WDR6: variants seen among roughly 807,000 people sequenced by gnomAD.
WDR6 encodes tRNA (34-2'-O)-methyltransferase regulator WDR6.
In WDR6, 58 loss-of-function variants were observed where a neutral mutation model predicts 85.6. That is an observed-to-expected ratio of 0.68 (90% CI 0.55 to 0.84). WDR6 has a LOEUF of 0.84. WDR6 is among the 40% of genes least tolerant of loss of function. WDR6 has a pLI of 0.00. For synonymous variants in WDR6, 569 were observed against 582.2 expected (o/e 0.98, Z 0.33); for missense variants, 1,310 against 1,476.4 (o/e 0.89, Z 1.85).
rs2093031974 is a variant in WDR6, at chr3:49,013,796, C to T, written c.2262C>T (p.Val754=). 1.2e-6 allele frequency: 2 copies of T among 1,613,962 alleles called. No homozygotes were observed. The highest frequency in any genetic ancestry group is 2.7e-5 in the African/African-American group (2 of 74,896). Residue 754 remains valine, a synonymous_variant, in exon 2 of 6, where the codon GTC becomes GTT. Transcript: ENST00000608424. This position sits in a 1 kb window ranked among gnomAD's most constrained non-coding sequence, Gnocchi z 4.6. ...GTAGTGAGGACACTACTGTCTGTGT[C>T]CTAGCACTCCCTACAACCACAGGCT... ...ITCSEDTTVC[V]LALPTTTGSA... is the part of the protein sequence containing the mutation.
In WDR6 at chr3:49,013,571, C is replaced by T. The variant is rs776192106; in HGVS notation, c.2037C>T (p.Val679=). The change falls in exon 2 of 6, where the codon GTC becomes GTT. Residue 679 remains valine (V), a synonymous_variant. Coordinates refer to ENST00000608424, the MANE Select transcript of WDR6 (RefSeq NM_018031.6). The surrounding 1 kb of genome is among the most constrained non-coding windows in gnomAD (Gnocchi z 4.6). ...TTGCTTACCTCAAGGATGGGGATGT[C>T]ATGCTGTACAGGGCTCTGGGTGGCT... ...MAFAYLKDGD[V]MLYRALGGCT... is the part of the protein sequence containing the mutation. 2 of 1,614,028 alleles carry T rather than the reference C, an allele frequency of 1.2e-6. No homozygotes were observed. Among genetic ancestry groups the T allele is most frequent in the South Asian group, 1.1e-5 (1 of 91,078 alleles).
At position 49,011,800 on chromosome 3, in the gene WDR6, G is replaced by A; in HGVS notation, c.266G>A (p.Ser89Asn). The A allele has an allele frequency of 6.2e-7, 1 of 1,614,246 alleles. No individual in the cohort carries two copies. The highest frequency in any genetic ancestry group is 8.5e-7 in the Non-Finnish European group (1 of 1,180,046). ...GAGGCCATGGTGGCTGTGTTTGGAA[G>A]CAAGGGACTCCGAGTTGTGAAAATT... ...DLEAMVAVFG[S>N]KGLRVVKISW... Residue 89 changes from serine (S) to asparagine (N), a missense_variant, in exon 2 of 6, where the codon AGC (serine) becomes AAC (asparagine). Transcript: ENST00000608424.
Position 49,012,067 on chromosome 3 carries a change from G to C in WDR6, c.533G>C (p.Gly178Ala), listed in dbSNP as rs749142410. Reference sequence around the variant, plus strand: ...TGGAAGGAGCTGACCATAGTGGCAGGTGCTGTTTCCAACCAGCTCTTGGTC... The same window carrying C: ...TGGAAGGAGCTGACCATAGTGGCAGCTGCTGTTTCCAACCAGCTCTTGGTC... Reference protein sequence around the residue: ...DAWKELTIVAGAVSNQLLVWY... With the variant: ...DAWKELTIVAAAVSNQLLVWY... The change falls in exon 2 of 6, where the codon GGT (glycine) becomes GCT (alanine). Residue 178 changes from glycine to alanine, a missense_variant. By Grantham distance (60) the Gly-to-Ala change is moderately conservative. Coordinates refer to ENST00000608424, the MANE Select transcript of WDR6 (RefSeq NM_018031.6). The surrounding 1 kb of genome is among the most constrained non-coding windows in gnomAD (Gnocchi z 4.4). 3.1e-6 allele frequency: 5 copies of C among 1,613,792 alleles called. No homozygotes were observed. In the Admixed American group the frequency reaches 8.3e-5, roughly 27 times the overall value.
In WDR6 at chr3:49,015,406, GGGTTCCTGATGTC is replaced by G; in HGVS notation, c.*122_*134del. 2 of 1,434,470 alleles carry G rather than the reference GGGTTCCTGATGTC, an allele frequency of 1.4e-6. No individual in the cohort carries two copies. Among genetic ancestry groups the G allele is most frequent in the Non-Finnish European group, 1.9e-6 (2 of 1,053,714 alleles). The allele number at this position is 1,434,470 out of a possible 1,614,324, so 88.9% of individuals were successfully genotyped here. A position where few individuals can be genotyped will look rare whatever the true frequency, so the allele number is the denominator to read the frequency against. On this transcript the variant is annotated 3_prime_UTR_variant, in exon 6 of 6. Coordinates refer to ENST00000608424, the MANE Select transcript of WDR6 (RefSeq NM_018031.6). The stretch of plus-strand genomic sequence containing the variant: ...CTTGAGGGGAGGAGGTGGTGGCCGT[GGGTTCCTGATGTC>G]GGTGCAGGAGCTGAAGGTGAGTGGA...
chr3:49,008,938 G>A, intron 1 of WDR6: 1 of 153,684 alleles, frequency 6.5e-6, no homozygotes, highest in South Asian at 1.9e-4. Context: ...CTGGAGTGCA[G>A]TGGCACGGTC....
In WDR6 at chr3:49,013,049, C is replaced by T. The variant is rs746505508; in HGVS notation, c.1515C>T (p.Phe505=). 6.2e-7 allele frequency: 1 copy of T among 1,612,188 alleles called. No individual in the cohort carries two copies. The highest frequency in any genetic ancestry group is 8.5e-7 in the Non-Finnish European group (1 of 1,178,756). The change falls in exon 2 of 6, where the codon TTC becomes TTT. Residue 505 remains phenylalanine (F), a synonymous_variant. Coordinates refer to ENST00000608424, the MANE Select transcript of WDR6 (RefSeq NM_018031.6). This position sits in a 1 kb window ranked among gnomAD's most constrained non-coding sequence, Gnocchi z 4.6. ...GTGCCTTCCTACCCCCAGGTGACTT[C>T]CTGGTGTGTGGTGACCGCCGGGGCT... is the stretch of plus-strand genomic sequence containing the variant. ...TCSAFLPPGD[F]LVCGDRRGSV...
At position 49,012,105 on chromosome 3, in the gene WDR6, A is replaced by C. The variant is rs1455853055; in HGVS notation, c.571A>C (p.Thr191Pro). ...CCAGCTCTTGGTCTGGTACCCAGCA[A>C]CTGCCTTAGCAGACAACAAACCTGT... ...SNQLLVWYPA[T>P]ALADNKPVAP... is the part of the protein sequence containing the mutation. Residue 191 changes from threonine (T) to proline (P), a missense_variant, in exon 2 of 6, where the codon ACT becomes CCT. Physicochemically the swap from Thr to Pro is conservative, Grantham distance 38. Coordinates refer to ENST00000608424, the MANE Select transcript of WDR6 (RefSeq NM_018031.6). This position sits in a 1 kb window ranked among gnomAD's most constrained non-coding sequence, Gnocchi z 4.4. 6.2e-7 allele frequency: 1 copy of C among 1,614,032 alleles called. No homozygotes were observed. Among genetic ancestry groups the C allele is most frequent in the Admixed American group, 1.7e-5 (1 of 60,036 alleles).
intron 1 of WDR6, among the ~76,000 whole-genome samples, chr3:49,009,278 C>T (rs1268304192): frequency 2.6e-5 from 4 of 150,978 alleles, no homozygotes; most frequent in Admixed American, 6.6e-5. Flanking sequence ...GTTTTCTCCA[C>T]CAAGAAAGCT....
rs774957928 is a variant in WDR6 at position 49,015,719 on chromosome 3, A to G, written c.*431A>G. On this transcript the variant is annotated 3_prime_UTR_variant, in exon 6 of 6. Coordinates refer to ENST00000608424, the MANE Select transcript of WDR6 (RefSeq NM_018031.6). ...TGTGGTCGAGGCTCCTGAAAGAGAAAGGGCCTGCTGGTCTCATCCTCTGCT... is the reference window on the plus strand; with the variant it reads ...TGTGGTCGAGGCTCCTGAAAGAGAAGGGGCCTGCTGGTCTCATCCTCTGCT... The G allele has an allele frequency of 1.2e-6, 2 of 1,614,054 alleles. No individual in the cohort carries two copies. Among genetic ancestry groups the G allele is most frequent in the South Asian group, 2.2e-5 (2 of 91,068 alleles).
In WDR6 at chr3:49,015,567, G is replaced by A; in HGVS notation, c.*279G>A. On this transcript the variant is annotated 3_prime_UTR_variant, in exon 6 of 6. Coordinates refer to ENST00000608424, the MANE Select transcript of WDR6 (RefSeq NM_018031.6). ...GTTGATGACTTTGTGAACATTCCCA[G>A]GTATTGGAGCCTCTGTGGCCTTAAA... 6.2e-7 allele frequency: 1 copy of A among 1,611,494 alleles called. No homozygotes were observed. Among genetic ancestry groups the A allele is most frequent in the Non-Finnish European group, 8.5e-7 (1 of 1,179,116 alleles).
In WDR6 at chr3:49,014,652, C is replaced by G; in HGVS notation, c.2836C>G (p.Leu946Val). The change falls in exon 5 of 6, where the codon CTC becomes GTC. Residue 946 changes from leucine (L) to valine (V), a missense_variant. Coordinates refer to ENST00000608424, the MANE Select transcript of WDR6 (RefSeq NM_018031.6). The surrounding 1 kb of genome is among the most constrained non-coding windows in gnomAD (Gnocchi z 4.9). ...ATDGSLAFWD[L>V]TTMLDHDSTV... is the part of the protein sequence containing the mutation. ...TGATGGCAGCCTGGCTTTCTGGGAT[C>G]TCACCACCATGCTAGACCATGACTC... 6.2e-7 allele frequency: 1 copy of G among 1,613,646 alleles called. No homozygotes were observed. Among genetic ancestry groups the G allele is most frequent in the South Asian group, 1.1e-5 (1 of 91,086 alleles).
rs568489113 is a variant in WDR6 at position 49,014,331 on chromosome 3, A to G, written c.2666+38A>G. ...GGCCCAGTGGGACAGGAGACAAAGG[A>G]AGTAAGGTTGTCTAGGATGCGTTCT... On this transcript the variant is annotated intron_variant, in intron 3 of 5. Coordinates refer to ENST00000608424, the MANE Select transcript of WDR6 (RefSeq NM_018031.6). This position sits in a 1 kb window ranked among gnomAD's most constrained non-coding sequence, Gnocchi z 4.9. 11 of 1,614,034 alleles carry G rather than the reference A, an allele frequency of 6.8e-6. No homozygotes were observed. The highest frequency in any genetic ancestry group is 2.2e-5 in the South Asian group (2 of 91,086).
chr3:49,010,032 T>A (rs1576613182), intron 1 of WDR6, among the ~76,000 whole-genome samples: 2 of 150,712 alleles, frequency 1.3e-5, no homozygotes, highest in Non-Finnish European at 3.0e-5. Flanking sequence ...CCATCTCTAT[T>A]TTTTTTTTAA....
At chr3:49,009,353 C>T (rs560507580) in intron 1 of WDR6, among the ~76,000 whole-genome samples, 29 of 142,064 alleles carry the variant, frequency 2.0e-4, no homozygotes, top group African/African-American at 7.5e-4. Flanking sequence ...CCCCCTCTTC[C>T]GCCTCCTTTC....
chr3:49,014,329 G>C lies in WDR6; in HGVS notation c.2666+36G>C. On this transcript the variant is annotated intron_variant, in intron 3 of 5. Coordinates refer to ENST00000608424, the MANE Select transcript of WDR6 (RefSeq NM_018031.6). The surrounding 1 kb of genome is among the most constrained non-coding windows in gnomAD (Gnocchi z 4.9). ...AGGGCCCAGTGGGACAGGAGACAAA[G>C]GAAGTAAGGTTGTCTAGGATGCGTT... 1 of 1,613,176 alleles carries C rather than the reference G, an allele frequency of 6.2e-7. No homozygotes were observed.
chr3:49,007,777 G>C lies in WDR6; in HGVS notation c.100+246G>C, dbSNP rs1203939694. 8.9e-7 allele frequency: 1 copy of C among 1,122,400 alleles called. No homozygotes were observed. The highest frequency in any genetic ancestry group is 3.5e-5 in the East Asian group (1 of 28,982). The allele number at this position is 1,122,400 out of a possible 1,614,324, so 69.5% of individuals were successfully genotyped here. On this transcript the variant is annotated intron_variant, in intron 1 of 5. Coordinates refer to ENST00000608424, the MANE Select transcript of WDR6 (RefSeq NM_018031.6). The surrounding 1 kb of genome is among the most constrained non-coding windows in gnomAD (Gnocchi z 5.1). ...TCATAAACTTCAGCCCGCGTGGAAA[G>C]GGCGGGTGGAACCGCGGGAGGGTGC...
rs1205518127 is a variant in WDR6, at chr3:49,014,826, G to T, written c.2904G>T (p.Arg968=). 1 of 1,602,138 alleles carries T rather than the reference G, an allele frequency of 6.2e-7. No homozygotes were observed. Among genetic ancestry groups the T allele is most frequent in the East Asian group, 2.2e-5 (1 of 44,650 alleles). ...ACTACCCTCTTCCTCTTCCTTCAGG[G>T]CTTGGCACCCCCTCCCTGACTCTCC... is the stretch of plus-strand genomic sequence containing the variant. ...EPPVDPGLPY[R]LGTPSLTLQA... Residue 968 remains arginine (R), a splice_region_variant and synonymous_variant, in exon 6 of 6, where the codon CGG becomes CGT. Transcript: ENST00000608424. The surrounding 1 kb of genome is among the most constrained non-coding windows in gnomAD (Gnocchi z 4.9).
chr3:49,007,567 G>C lies in WDR6; in HGVS notation c.100+36G>C, dbSNP rs755719550. 1.3e-6 allele frequency: 2 copies of C among 1,562,346 alleles called. No individual in the cohort carries two copies. The highest frequency in any genetic ancestry group is 2.3e-5 in the East Asian group (1 of 43,490). On this transcript the variant is annotated intron_variant, in intron 1 of 5. Coordinates refer to ENST00000608424, the MANE Select transcript of WDR6 (RefSeq NM_018031.6). The surrounding 1 kb of genome is among the most constrained non-coding windows in gnomAD (Gnocchi z 5.1). ...GCTTGAGGCACGCCTGGTGGAAAGGGGGAAAGAAACAGCGCCTCCCAGGGG... is the reference window on the plus strand; with the variant it reads ...GCTTGAGGCACGCCTGGTGGAAAGGCGGAAAGAAACAGCGCCTCCCAGGGG...
In WDR6 at chr3:49,014,883, C is replaced by T. The variant is rs1397809417; in HGVS notation, c.2961C>T (p.His987=). The T allele has an allele frequency of 1.9e-6, 3 of 1,613,504 alleles. No individual in the cohort carries two copies. The highest frequency in any genetic ancestry group is 2.5e-6 in the Non-Finnish European group (3 of 1,179,556). ...ACAGCTGTGGTATCAACAGCCTGCA[C>T]ACCTTGCCCACCCGTGAGGGCCACC... The part of the protein sequence containing the change: ...QAHSCGINSL[H]TLPTREGHHL... Residue 987 remains histidine, a synonymous_variant, in exon 6 of 6, where the codon CAC becomes CAT. Transcript: ENST00000608424. This position sits in a 1 kb window ranked among gnomAD's most constrained non-coding sequence, Gnocchi z 4.9.
Sources: gnomAD v4.1 joint callset for allele counts (sites outside exome capture counted in the v4.1 genomes callset) on GRCh38, gnomAD v4.1.1 for gene constraint, Gnocchi (gnomAD v3.1) non-coding constraint, MANE v1.5 for transcripts, NCBI Gene and HGNC (gene_info 2026-07-23, HGNC 2026-07-21) for gene names.